Variants in TRMT6 observed in about 807,000 individuals in gnomAD.
TRMT6 encodes tRNA (adenine(58)-N(1))-methyltransferase non-catalytic subunit TRM6.
A neutral mutation model predicts 59.0 loss-of-function variants in TRMT6; 34 were observed. That is an observed-to-expected ratio of 0.58 (90% CI 0.44 to 0.77). The LOEUF is 0.77. TRMT6 is among the 30% of genes least tolerant of loss of function. The pLI, the probability that TRMT6 is intolerant of heterozygous loss-of-function variation, is 0.00. For missense variants in TRMT6, 575 were observed against 604.5 expected (o/e 0.95, Z 0.51); for synonymous variants, 217 against 210.5 (o/e 1.03, Z -0.27).
In TRMT6 at chr20:5,938,617, T is replaced by C; in HGVS notation, c.1412A>G (p.Lys471Arg). Residue 471 changes from lysine to arginine, a missense_variant, in exon 11 of 11, where the codon AAA becomes AGA. Physicochemically the swap from Lys to Arg is conservative, Grantham distance 26 (BLOSUM62 2). Coordinates refer to ENST00000203001, the MANE Select transcript of TRMT6 (RefSeq NM_015939.5). ...MDNLKADTSL[K>R]SNASTLESHE... The stretch of plus-strand genomic sequence containing the variant: ...TGATTCTAAAGTGCTTGCATTAGAT[T>C]TGAGGCTGGTGTCTGCTTTAAGGTT... 1.2e-6 allele frequency: 2 copies of C among 1,614,248 alleles called. No individual in the cohort carries two copies. The highest frequency in any genetic ancestry group is 1.7e-6 in the Non-Finnish European group (2 of 1,180,046).
chr20:5,941,539 A>G (rs2088656091), intron 8 of TRMT6, 194 bp from the exon 9 acceptor site: 1 of 590,104 alleles, frequency 1.7e-6, no homozygotes, highest in African/African-American at 1.9e-5. Context: ...GAACTAGGTT[A>G]GAAGCTCTTG....
chr20:5,945,472 G>A (rs2088697939), intron 2 of TRMT6, among the ~76,000 whole-genome samples: 1 of 152,114 alleles, frequency 6.6e-6, no homozygotes, highest in Admixed American at 6.5e-5. Flanking sequence ...ATTAGTACAC[G>A]CCCCTGCTTT....
At position 5,950,456 on chromosome 20, in the gene TRMT6, T is replaced by A. The variant is rs933999821; in HGVS notation, c.-51A>T. ...ACGGCGTCCCGCCCCTCCTCCTCGGTTGTCGCCACCGCCAGCCTCACTTCC... is the reference window on the plus strand; with the variant it reads ...ACGGCGTCCCGCCCCTCCTCCTCGGATGTCGCCACCGCCAGCCTCACTTCC... On this transcript the variant is annotated 5_prime_UTR_variant, in exon 1 of 11. Transcript: ENST00000203001. 7 of 1,526,100 alleles carry A rather than the reference T, an allele frequency of 4.6e-6. No homozygotes were observed. Among genetic ancestry groups the A allele is most frequent in the Non-Finnish European group, 6.2e-6 (7 of 1,137,328 alleles). 94.5% of individuals were successfully genotyped at this position (1,526,100 alleles called of 1,614,324 possible).
rs2122593116 is a variant in TRMT6 at position 5,937,424 on chromosome 20, CT to C, written c.*1110del. ...CATGTTCCAGTGAGCAAGACTCAAT[CT>C]CTCAAATGAACAAGAGCCTTGGCTG... On this transcript the variant is annotated 3_prime_UTR_variant, in exon 11 of 11. Transcript: ENST00000203001. 1 of 152,352 alleles carries C rather than the reference CT, an allele frequency of 6.6e-6. No homozygotes were observed. Among genetic ancestry groups the C allele is most frequent in the East Asian group, 1.9e-4 (1 of 5,186 alleles). The allele number at this position is 152,352 out of a possible 1,614,324, so 9.4% of individuals were successfully genotyped here.
rs933171435 is a variant in TRMT6 at position 5,942,167 on chromosome 20, T to C, written c.1027-131A>G. The C allele has an allele frequency of 1.0e-5, 9 of 877,004 alleles. No individual in the cohort carries two copies. The African/African-American group carries it at 1.3e-4, about 13-fold the overall frequency. The allele number at this position is 877,004 out of a possible 1,614,324, so 54.3% of individuals were successfully genotyped here. A position where few individuals can be genotyped will look rare whatever the true frequency, so the allele number is the denominator to read the frequency against. On this transcript the variant is annotated intron_variant, in intron 7 of 10. Transcript: ENST00000203001. The stretch of plus-strand genomic sequence containing the variant: ...TAAACCAATAGAAGCAGGTTGTTTA[T>C]AAGGAAGTTGCAAATACACAAGAAA...
Position 5,938,335 on chromosome 20 carries a change from C to A in TRMT6, c.*200G>T, listed in dbSNP as rs569016647. The A allele has an allele frequency of 4.4e-5, 24 of 546,500 alleles. No individual in the cohort carries two copies. In the African/African-American group the frequency reaches 4.5e-4, roughly 10 times the overall value. 33.9% of individuals were successfully genotyped at this position (546,500 alleles called of 1,614,324 possible). Reference sequence around the variant, plus strand: ...TAAATGCAGTTGGTCATACTACATACCCCATGGTTGCAGTTTTGACAGACC... The same window carrying A: ...TAAATGCAGTTGGTCATACTACATAACCCATGGTTGCAGTTTTGACAGACC... On this transcript the variant is annotated 3_prime_UTR_variant, in exon 11 of 11. Coordinates refer to ENST00000203001, the MANE Select transcript of TRMT6 (RefSeq NM_015939.5).
intron 1 of TRMT6, 128 bp downstream of exon 1, chr20:5,950,150 G>T: frequency 1.0e-6 from 1 of 972,420 alleles, no homozygotes; most frequent in Non-Finnish European, 1.5e-6. Flanking sequence ...AGACAACGAG[G>T]GCGGGGAATG....
intron 2 of TRMT6, among the ~76,000 whole-genome samples, chr20:5,945,444 A>T (rs2088697783): frequency 6.6e-6 from 1 of 152,222 alleles, no homozygotes; most frequent in Non-Finnish European, 1.5e-5. Flanking sequence ...GGCTGAGCTC[A>T]TTCTCTTGCT....
At chr20:5,939,027 T>A (rs1334459131) in intron 10 of TRMT6, among the ~76,000 whole-genome samples, 1 of 151,912 alleles carries the variant, frequency 6.6e-6, no homozygotes, top group Admixed American at 6.6e-5. Context: ...AACCTCGAAC[T>A]CCTGGCCTCA....
chr20:5,950,322 C>G lies in TRMT6; in HGVS notation c.84G>C (p.Leu28=), dbSNP rs2088778675. The change falls in exon 1 of 11, where the codon CTG becomes CTC. Residue 28 remains leucine, a synonymous_variant. Coordinates refer to ENST00000203001, the MANE Select transcript of TRMT6 (RefSeq NM_015939.5). ...HRIRDGDFVV[L]KREDVFKAVQ... Reference sequence around the variant, plus strand: ...CTGCTTTAAACACATCTTCACGTTTCAGCACCACGAAGTCGCCGTCGCGGA... The same window carrying G: ...CTGCTTTAAACACATCTTCACGTTTGAGCACCACGAAGTCGCCGTCGCGGA... 3.7e-6 allele frequency: 6 copies of G among 1,613,774 alleles called. No homozygotes were observed. The East Asian group carries it at 1.3e-4, about 36-fold the overall frequency.
At position 5,938,526 on chromosome 20, in the gene TRMT6, T is replaced by G. The variant is rs763367488; in HGVS notation, c.*9A>C. 5.6e-6 allele frequency: 9 copies of G among 1,606,224 alleles called. No individual in the cohort carries two copies. The highest frequency in any genetic ancestry group is 1.3e-5 in the African/African-American group (1 of 74,430). ...CTGAGAACAAAATTCAGAGCAATTC[T>G]CAAAAGGGTTAAGAGTCAGACTCTG... is the stretch of plus-strand genomic sequence containing the variant. On this transcript the variant is annotated 3_prime_UTR_variant, in exon 11 of 11. Transcript: ENST00000203001.
rs1221085175 is a variant in TRMT6, at chr20:5,942,030, C to G, written c.1033G>C (p.Glu345Gln). The change falls in exon 8 of 11, where the codon GAA becomes CAA. Residue 345 changes from glutamate to glutamine, a missense_variant. By Grantham distance (29) the Glu-to-Gln change is conservative. Coordinates refer to ENST00000203001, the MANE Select transcript of TRMT6 (RefSeq NM_015939.5). ...ERGSKKDYIQ[E>Q]KQRRQEEQRK... ...TGCTCTTCTTGTCTCCTCTGTTTTT[C>G]CTGAATCTTCAAAAAGAAAAATAAG... 1.2e-6 allele frequency: 2 copies of G among 1,612,036 alleles called. No homozygotes were observed. The highest frequency in any genetic ancestry group is 3.3e-5 in the Admixed American group (2 of 59,994).
chr20:5,942,234 C>A lies in TRMT6; in HGVS notation c.1026+194G>T. The A allele has an allele frequency of 4.2e-6, 3 of 721,070 alleles. No homozygotes were observed. The South Asian group carries it at 5.3e-5, about 13-fold the overall frequency. 44.7% of individuals were successfully genotyped at this position (721,070 alleles called of 1,614,324 possible). ...AACCATGATTAAGCTATCTATGCAA[C>A]GCTTCTGTATCCTAAAGCTCCATCC... On this transcript the variant is annotated intron_variant, in intron 7 of 10. Transcript: ENST00000203001.
At chr20:5,945,441 C>G (rs1410337338) in intron 2 of TRMT6, among the ~76,000 whole-genome samples, 2 of 152,226 alleles carry the variant, frequency 1.3e-5, no homozygotes, top group African/African-American at 4.8e-5. Context: ...TGAGGCTGAG[C>G]TCATTCTCTT....
At chr20:5,945,038 C>T in intron 2 of TRMT6, 124 bp from the exon 3 acceptor site, 1 of 685,634 alleles carries the variant, frequency 1.5e-6, no homozygotes, top group South Asian at 1.8e-5. Context: ...CTGCACTGCC[C>T]CCATCACACT....
chr20:5,938,482 A>G lies in TRMT6; in HGVS notation c.*53T>C, dbSNP rs555823551. The G allele has an allele frequency of 2.0e-6, 3 of 1,534,378 alleles. No homozygotes were observed. The African/African-American group carries it at 4.1e-5, about 21-fold the overall frequency. ...AAGTAGTAATGGCATTTAAAGTTTA[A>G]TTACTAACTGTATAATGCCTGAGAA... On this transcript the variant is annotated 3_prime_UTR_variant, in exon 11 of 11. Transcript: ENST00000203001.
At chr20:5,939,993 C>T (rs1016692310) in intron 10 of TRMT6, among the ~76,000 whole-genome samples, 6 of 152,204 alleles carry the variant, frequency 3.9e-5, no homozygotes, top group Admixed American at 3.3e-4. Context: ...GCATTCATAC[C>T]GAGGGAGGCC....
intron 10 of TRMT6, among the ~76,000 whole-genome samples, chr20:5,939,725 T>C (rs977202514): frequency 2.0e-5 from 3 of 152,150 alleles, no homozygotes; most frequent in African/African-American, 7.2e-5. Flanking sequence ...CCTTCCCCGC[T>C]ACCCTGTTAA....
rs1048162193 is a variant in TRMT6, at chr20:5,944,257, T to C, written c.367-4A>G. The C allele has an allele frequency of 4.8e-5, 72 of 1,513,762 alleles. No individual in the cohort carries two copies. The highest frequency in any genetic ancestry group is 6.2e-5 in the Non-Finnish European group (69 of 1,118,418). The allele number at this position is 1,513,762 out of a possible 1,614,324, so 93.8% of individuals were successfully genotyped here. A position where few individuals can be genotyped will look rare whatever the true frequency, so the allele number is the denominator to read the frequency against. ...CAATTAACTGCTGAACTATTTCCTATAAGAAAAGGAGCAAGTAGATTTTCT... is the reference window on the plus strand; with the variant it reads ...CAATTAACTGCTGAACTATTTCCTACAAGAAAAGGAGCAAGTAGATTTTCT... On this transcript the variant is annotated splice_region_variant and splice_polypyrimidine_tract_variant and intron_variant, in intron 3 of 10. Transcript: ENST00000203001.
Sources: allele counts gnomAD v4.1 joint callset (sites outside exome capture counted in the v4.1 genomes callset), GRCh38; gene constraint gnomAD v4.1.1; transcripts MANE v1.5; gene names NCBI Gene and HGNC (gene_info 2026-07-23, HGNC 2026-07-21).